The following RSRP1 variants were observed in gnomAD, a reference collection of about 807,000 sequenced individuals.
RSRP1 encodes the protein arginine and serine rich protein 1.
A neutral mutation model predicts 33.0 loss-of-function variants in RSRP1; 37 were observed. The ratio of observed to expected loss-of-function variants is 1.12; its 90% CI spans 0.86 to 1.48. The LOEUF is 1.48. Ranked by LOEUF, RSRP1 falls within the 40% of genes most tolerant of loss-of-function variation. The pLI is 0.00. For missense variants in RSRP1, 402 were observed against 385.3 expected, an observed-to-expected ratio of 1.04 and a Z score of -0.36; for synonymous variants, 167 against 158.7, an observed-to-expected ratio of 1.05 and a Z score of -0.40.
At chr1:25,261,734 T>TG (rs1640161707) in intron 1 of RSRP1, among the ~76,000 whole-genome samples, 1 of 119,536 alleles carries the variant, frequency 8.4e-6, no homozygotes, top group Non-Finnish European at 1.7e-5. Flanking sequence ...TTTTTTGAGA[T>TG]GGAGTCTTGC....
chr1:25,261,104 T>C (rs28629323), intron 1 of RSRP1, among the ~76,000 whole-genome samples: 12,431 of 151,902 alleles, frequency 0.082, 1,713 homozygotes, highest in African/African-American at 0.28. Context: ...CCGGCCTCTT[T>C]CTCTTCTTAT....
chr1:25,246,300 G>A (rs895521008), intron 2 of RSRP1, 144 bp downstream of exon 2: 7 of 1,296,940 alleles, frequency 5.4e-6, no homozygotes, highest in Non-Finnish European at 6.4e-6. Flanking sequence ...TTAAATACAG[G>A]TAATGTCCTC....
chr1:25,264,444 C>G (rs1640259508), intron 1 of RSRP1, among the ~76,000 whole-genome samples: 1 of 150,018 alleles, frequency 6.7e-6, no homozygotes. Flanking sequence ...GGCTTGCACT[C>G]CCCGAAGCTA....
chr1:25,310,960 CA>C (rs1375608992), intron 1 of RSRP1, among the ~76,000 whole-genome samples: 1 of 97,738 alleles, frequency 1.0e-5, no homozygotes, highest in Non-Finnish European at 2.3e-5. Context: ...GCAACAAGAG[CA>C]AAACTCCATC....
chr1:25,285,717 G>A (rs151276366), intron 1 of RSRP1, among the ~76,000 whole-genome samples: 4 of 135,124 alleles, frequency 3.0e-5, no homozygotes, highest in Admixed American at 7.1e-5. Context: ...AGCTATACAC[G>A]TTTTAAAAGG....
chr1:25,306,646 C>T lies in RSRP1; in HGVS notation c.-67+31332G>A, dbSNP rs1194297861. The T allele has an allele frequency of 3.6e-6, 5 of 1,378,618 alleles. 2 individuals carry two copies. Among genetic ancestry groups the T allele is most frequent in the East Asian group, 2.2e-5 (1 of 44,632 alleles). The allele number at this position is 1,378,618 out of a possible 1,614,324, so 85.4% of individuals were successfully genotyped here. ...TTCCCCACAGCTCCATCATGGGCTA[C>T]AACTTCAGCTTGCTGGGTCTGCTTG... On this transcript the variant is annotated intron_variant, in intron 1 of 1. Coordinates refer to the RSRP1 transcript ENST00000561867.
chr1:25,245,312 A>G lies in RSRP1; in HGVS notation c.521-11T>C, dbSNP rs780830050. 477 of 1,603,144 alleles carry G rather than the reference A, an allele frequency of 3.0e-4. No individual in the cohort carries two copies. Among genetic ancestry groups the G allele is most frequent in the Non-Finnish European group, 3.5e-4 (413 of 1,173,772 alleles). On this transcript the variant is annotated splice_polypyrimidine_tract_variant and intron_variant, in intron 2 of 4. Coordinates refer to ENST00000243189, the MANE Select transcript of RSRP1 (RefSeq NM_020317.5). ...ACAGCTCCATTCGATCTAAAAAAAA[A>G]AGAGAGAGATTTTAAAATACTCATT...
At chr1:25,310,200 C>T (rs1644066385) in intron 1 of RSRP1, among the ~76,000 whole-genome samples, 1 of 132,804 alleles carries the variant, frequency 7.5e-6, no homozygotes, top group Admixed American at 7.3e-5. Flanking sequence ...TGAATGTGTC[C>T]CCCAAATTTC....
At chr1:25,252,321 CTACTT>C (rs1639811962), upstream of RSRP1, among the ~76,000 whole-genome samples, 1 of 151,772 alleles carries the variant, frequency 6.6e-6, no homozygotes, top group Non-Finnish European at 1.5e-5. Flanking sequence ...AGATTGTAAA[CTACTT>C]TAGGTTCATT....
intron 1 of RSRP1, among the ~76,000 whole-genome samples, chr1:25,268,816 C>T (rs1340708749): frequency 3.1e-5 from 4 of 130,320 alleles, no homozygotes; most frequent in African/African-American, 1.0e-4. Flanking sequence ...GGTGTGGTAT[C>T]ACGCGCCTAT....
Position 25,246,561 on chromosome 1 carries a change from G to C in RSRP1, c.403C>G (p.Arg135Gly), listed in dbSNP as rs146236511. 3.3e-4 allele frequency: 539 copies of C among 1,614,214 alleles called. No homozygotes were observed. The highest frequency in any genetic ancestry group is 4.2e-4 in the Non-Finnish European group (500 of 1,180,048). The change falls in exon 2 of 5, where the codon CGG (arginine) becomes GGG (glycine). Residue 135 changes from arginine (R) to glycine (G), a missense_variant. By Grantham distance (125) the Arg-to-Gly change is moderately radical. Coordinates refer to ENST00000243189, the MANE Select transcript of RSRP1 (RefSeq NM_020317.5). The part of the protein sequence containing the change: ...SYCGRAYAIA[R>G]GQRYYGFGRT... ...CCAAAGCCGTAGTAGCGCTGTCCCC[G>C]CGCGATCGCGTACGCCCTTCCGCAG...
rs1394221328 is a variant in RSRP1 at position 25,246,997 on chromosome 1, GA to G, written c.-35del. 2 of 1,520,790 alleles carry G rather than the reference GA, an allele frequency of 1.3e-6. No homozygotes were observed. Among genetic ancestry groups the G allele is most frequent in the Non-Finnish European group, 1.8e-6 (2 of 1,132,070 alleles). The allele number at this position is 1,520,790 out of a possible 1,614,324, so 94.2% of individuals were successfully genotyped here. A position where few individuals can be genotyped will look rare whatever the true frequency, so the allele number is the denominator to read the frequency against. On this transcript the variant is annotated 5_prime_UTR_variant, in exon 2 of 5. Coordinates refer to ENST00000243189, the MANE Select transcript of RSRP1 (RefSeq NM_020317.5). Reference sequence around the variant, plus strand: ...GCGGCTTTAGCCTGCGCTTTCTCCGGAAAGGATCCCGCAAGCCTCAACTCAG... The same window carrying G: ...GCGGCTTTAGCCTGCGCTTTCTCCGGAAGGATCCCGCAAGCCTCAACTCAG...
chr1:25,242,534 C>G lies in RSRP1; in HGVS notation c.*55G>C, dbSNP rs192639470. 12 of 1,105,286 alleles carry G rather than the reference C, an allele frequency of 1.1e-5. No individual in the cohort carries two copies. Among genetic ancestry groups the G allele is most frequent in the African/African-American group, 1.6e-5 (1 of 63,852 alleles). The allele number at this position is 1,105,286 out of a possible 1,614,324, so 68.5% of individuals were successfully genotyped here. On this transcript the variant is annotated 3_prime_UTR_variant, in exon 5 of 5. Transcript: ENST00000243189. ...AAGGGATGGGATAATGCTAGAAACACTAACTTGCAATAAAGTGCAGTTTTC... is the reference window on the plus strand; with the variant it reads ...AAGGGATGGGATAATGCTAGAAACAGTAACTTGCAATAAAGTGCAGTTTTC...
At chr1:25,256,009 G>T (rs1363616497) in intron 1 of RSRP1, among the ~76,000 whole-genome samples, 2 of 152,150 alleles carry the variant, frequency 1.3e-5, no homozygotes, top group African/African-American at 2.4e-5. Context: ...TTGGCAAAGG[G>T]TGATACATAT....
rs112698916 is a variant in RSRP1 at position 25,312,540 on chromosome 1, C to T, written c.-67+25438G>A. ...TGGGAGGATTGCTTGAGCCCAGGAG[C>T]TCAAGACCAGCCTGGGCAACATAGT... On this transcript the variant is annotated intron_variant, in intron 1 of 1. Transcript: ENST00000561867. Among the ~76,000 whole-genome samples the T allele has an allele frequency of 6.2e-5, 8 of 130,030 alleles. 2 individuals are homozygous for T. The highest frequency in any genetic ancestry group is 1.5e-4 in the Non-Finnish European group (8 of 54,974). The allele number at this position is 130,030 out of a possible 152,430, so 85.3% of individuals were successfully genotyped here. A position where few individuals can be genotyped will look rare whatever the true frequency, so the allele number is the denominator to read the frequency against.
chr1:25,243,079 G>A (rs937749030), intron 4 of RSRP1, among the ~76,000 whole-genome samples: 1 of 151,856 alleles, frequency 6.6e-6, no homozygotes, highest in Non-Finnish European at 1.5e-5. Flanking sequence ...GGGCAACAGA[G>A]CAAGACTCTG....
chr1:25,311,851 G>A lies in RSRP1; in HGVS notation c.-67+26127C>T, dbSNP rs758649093. Among the ~76,000 whole-genome samples, 3 of 131,366 alleles carry A rather than the reference G, an allele frequency of 2.3e-5. 1 individual carries two copies. Among genetic ancestry groups the A allele is most frequent in the African/African-American group, 5.3e-5 (2 of 37,536 alleles). The allele number at this position is 131,366 out of a possible 152,430, so 86.2% of individuals were successfully genotyped here. A position where few individuals can be genotyped will look rare whatever the true frequency, so the allele number is the denominator to read the frequency against. ...CACATGGCACTAATTTTGCAGGTGT[G>A]CAGAATGCAAAAGCTGAGGGGGCAT... On this transcript the variant is annotated intron_variant, in intron 1 of 1. Coordinates refer to the RSRP1 transcript ENST00000561867.
rs751746562 is a variant in RSRP1, at chr1:25,306,645, A to C, written c.-67+31333T>G. The C allele has an allele frequency of 5.1e-6, 7 of 1,378,536 alleles. 1 individual carries two copies. The East Asian group carries it at 6.7e-5, about 13-fold the overall frequency. The allele number at this position is 1,378,536 out of a possible 1,614,324, so 85.4% of individuals were successfully genotyped here. ...ATTCCCCACAGCTCCATCATGGGCTACAACTTCAGCTTGCTGGGTCTGCTT... is the reference window on the plus strand; with the variant it reads ...ATTCCCCACAGCTCCATCATGGGCTCCAACTTCAGCTTGCTGGGTCTGCTT... On this transcript the variant is annotated intron_variant, in intron 1 of 1. Transcript: ENST00000561867.
Position 25,294,606 on chromosome 1 carries a change from G to A in RSRP1, c.-67+43372C>T, listed in dbSNP as rs376152390. On this transcript the variant is annotated intron_variant, in intron 1 of 1. Coordinates refer to the RSRP1 transcript ENST00000561867. ...CAGCAACAGAGCTCGGCCTCCTTGGGCACCGCAAACGGCACTCAGCCTCCA... is the reference window on the plus strand; with the variant it reads ...CAGCAACAGAGCTCGGCCTCCTTGGACACCGCAAACGGCACTCAGCCTCCA... The A allele has an allele frequency of 4.5e-3, 4,396 of 977,606 alleles. 576 individuals are homozygous for A. In the African/African-American group the frequency reaches 0.062, roughly 14 times the overall value. 60.6% of individuals were successfully genotyped at this position (977,606 alleles called of 1,614,324 possible).
Sources: gnomAD v4.1 joint callset for allele counts (sites outside exome capture counted in the v4.1 genomes callset) on GRCh38, gnomAD v4.1.1 for gene constraint, MANE v1.5 for transcripts, NCBI Gene and HGNC (gene_info 2026-07-23, HGNC 2026-07-21) for gene names.